PSMA1: variants seen among roughly 807,000 people sequenced by gnomAD.
PSMA1 encodes proteasome 20S subunit alpha 1.
PSMA1 carries 3 observed loss-of-function variants against 38.4 expected under a neutral mutation model. The ratio of observed to expected loss-of-function variants is 0.08; its 90% CI spans 0.04 to 0.20. The LOEUF is 0.20. PSMA1 is among the 10% of genes least tolerant of loss of function. The pLI is 1.00. For synonymous variants in PSMA1, 101 were observed against 107.1 expected (o/e 0.94, Z 0.35); for missense variants, 227 against 325.3 (o/e 0.70, Z 2.32).
intron 1 of PSMA1, among the ~76,000 whole-genome samples, chr11:14,519,642 G>A (rs896348955): frequency 3.9e-5 from 6 of 152,164 alleles, no homozygotes; most frequent in South Asian, 2.1e-4. Context: ...TAGCTGCAGC[G>A]ATAGAACCAT....
chr11:14,556,972 A>G (rs1023503604), intron 2 of PSMA1, among the ~76,000 whole-genome samples: 4 of 152,140 alleles, frequency 2.6e-5, no homozygotes, highest in Admixed American at 6.5e-5. Context: ...AGCAGTGGGA[A>G]CTACAGGTGC....
At chr11:14,578,658 G>A (rs1393052889) in intron 2 of PSMA1, among the ~76,000 whole-genome samples, 2 of 152,206 alleles carry the variant, frequency 1.3e-5, no homozygotes, top group Non-Finnish European at 2.9e-5. Context: ...AAACCATTCA[G>A]TTTCGTCAGT....
At chr11:14,539,169 T>C (rs925677699) in intron 2 of PSMA1, among the ~76,000 whole-genome samples, 2 of 152,248 alleles carry the variant, frequency 1.3e-5, no homozygotes, top group African/African-American at 4.8e-5. Flanking sequence ...TTTCCTTTTC[T>C]ACACAGAGAG....
In PSMA1 at chr11:14,580,887, T is replaced by C. The variant is rs1473945728; in HGVS notation, c.21+30079A>G. Among the ~76,000 whole-genome samples the C allele has an allele frequency of 2.6e-5, 4 of 152,200 alleles. No homozygotes were observed. The South Asian group carries it at 6.2e-4, about 24-fold the overall frequency. On this transcript the variant is annotated intron_variant, in intron 2 of 10. Transcript: ENST00000418988. ...GGAGCCCTCAGTTCATTCTCCCATC[T>C]TCAGCATGGAAACTACTGAAGTGGA... is the stretch of plus-strand genomic sequence containing the variant.
In PSMA1 at chr11:14,517,868, T is replaced by C. The variant is rs1851458635; in HGVS notation, c.150+12A>G. The C allele has an allele frequency of 1.9e-6, 3 of 1,581,412 alleles. No homozygotes were observed. Among genetic ancestry groups the C allele is most frequent in the African/African-American group, 2.7e-5 (2 of 73,544 alleles). Reference sequence around the variant, plus strand: ...TTTCTACAGAGGAAGACATATTTATTACTGTACTTACTTTCAATGCAACCA... The same window carrying C: ...TTTCTACAGAGGAAGACATATTTATCACTGTACTTACTTTCAATGCAACCA... On this transcript the variant is annotated intron_variant, in intron 3 of 9. Transcript: ENST00000396394.
chr11:14,536,452 G>GA (rs1413198963), intron 2 of PSMA1, among the ~76,000 whole-genome samples: 3 of 151,674 alleles, frequency 2.0e-5, no homozygotes, highest in Non-Finnish European at 2.9e-5. Context: ...GCTTGAACCC[G>GA]GGAGGTGGAG....
intron 1 of PSMA1, among the ~76,000 whole-genome samples, chr11:14,632,526 C>T (rs11023288): frequency 0.12 from 17,875 of 144,218 alleles, 1,297 homozygotes; most frequent in African/African-American, 0.27. Flanking sequence ...GGGTTTCTGC[C>T]GAGAGATCCG....
intron 2 of PSMA1, among the ~76,000 whole-genome samples, chr11:14,609,739 T>C (rs1034410078): frequency 2.6e-5 from 4 of 151,702 alleles, no homozygotes; most frequent in African/African-American, 9.7e-5. Context: ...GTGAGCAAGG[T>C]GAAGAGTGAT....
chr11:14,621,961 A>C (rs1339136893), intron 1 of PSMA1, among the ~76,000 whole-genome samples: 1 of 152,172 alleles, frequency 6.6e-6, no homozygotes, highest in African/African-American at 2.4e-5. Context: ...TCATAACCCT[A>C]TGAGCTAGGG....
At chr11:14,530,341 C>G (rs1172701113) in intron 2 of PSMA1, among the ~76,000 whole-genome samples, 1 of 152,144 alleles carries the variant, frequency 6.6e-6, no homozygotes, top group African/African-American at 2.4e-5. Flanking sequence ...CTCCTGCCAC[C>G]TTTTTTGGGC....
chr11:14,606,274 T>C (rs1405901389), intron 2 of PSMA1, among the ~76,000 whole-genome samples: 1 of 152,130 alleles, frequency 6.6e-6, no homozygotes, highest in Non-Finnish European at 1.5e-5. Flanking sequence ...TTGGTTACTG[T>C]AGCTTTATAG....
chr11:14,559,504 T>C (rs1851984971), intron 2 of PSMA1, among the ~76,000 whole-genome samples: 1 of 152,134 alleles, frequency 6.6e-6, no homozygotes, highest in Non-Finnish European at 1.5e-5. Context: ...AGTGGCTTTC[T>C]GGAAGGATGG....
At chr11:14,586,249 T>A (rs1399965592) in intron 2 of PSMA1, among the ~76,000 whole-genome samples, 1 of 152,076 alleles carries the variant, frequency 6.6e-6, no homozygotes, top group African/African-American at 2.4e-5. Flanking sequence ...CTGGCCAACA[T>A]GGTGAAACAC....
intron 2 of PSMA1, among the ~76,000 whole-genome samples, chr11:14,586,830 G>A (rs1239191136): frequency 1.3e-5 from 2 of 151,388 alleles, no homozygotes; most frequent in East Asian, 1.9e-4. Context: ...GCACGATCTC[G>A]GCTCACTGAA....
intron 2 of PSMA1, among the ~76,000 whole-genome samples, chr11:14,540,396 T>G (rs971553025): frequency 1.3e-5 from 2 of 152,204 alleles, no homozygotes; most frequent in African/African-American, 2.4e-5. Context: ...CATTACGTCC[T>G]CAGGAGAGAT....
chr11:14,521,351 G>T (rs1457604477), upstream of PSMA1, among the ~76,000 whole-genome samples: 1 of 151,440 alleles, frequency 6.6e-6, no homozygotes, highest in East Asian at 1.9e-4. Context: ...AAAAGGCTGG[G>T]CATGTTGGCA....
chr11:14,610,919 GA>G (rs759471137), intron 2 of PSMA1: 1 of 1,590,768 alleles, frequency 6.3e-7, no homozygotes, highest in African/African-American at 1.3e-5. Flanking sequence ...AGTGAGATGT[GA>G]AATCTATGCA....
intron 2 of PSMA1, 40 bp from the exon 3 acceptor site, chr11:14,518,021 T>C (rs757576387): frequency 7.2e-6 from 10 of 1,383,138 alleles, no homozygotes; most frequent in Middle Eastern, 1.9e-4. Context: ...TCTTAGAAGA[T>C]CTTTTATAAA....
intron 1 of PSMA1, among the ~76,000 whole-genome samples, chr11:14,634,008 G>A (rs1853076704): frequency 6.6e-6 from 1 of 152,186 alleles, no homozygotes; most frequent in Non-Finnish European, 1.5e-5. Context: ...CGTGCACGGT[G>A]TGCACACCCA....
Sources: allele counts gnomAD v4.1 joint callset (sites outside exome capture counted in the v4.1 genomes callset), GRCh38; gene constraint gnomAD v4.1.1; transcripts MANE v1.5; gene names NCBI Gene and HGNC (gene_info 2026-07-23, HGNC 2026-07-21).